Variants in SLC7A2 observed in about 807,000 individuals in gnomAD.
SLC7A2 encodes the protein cationic amino acid transporter 2.
In SLC7A2, 48 loss-of-function variants were observed where a neutral mutation model predicts 58.9. The observed-to-expected ratio is 0.82, with a 90% CI of 0.65 to 1.04. SLC7A2 has a LOEUF of 1.04. Ranked by LOEUF, SLC7A2 falls within the 50% of genes least tolerant of loss-of-function variation. SLC7A2 has a pLI of 0.00. For synonymous variants in SLC7A2, 363 were observed against 314.5 expected (o/e 1.15, Z -1.63); for missense variants, 1,029 against 818.8 (o/e 1.26, Z -3.13).
intron 1 of SLC7A2, among the ~76,000 whole-genome samples, chr8:17,497,479 G>C (rs939219898): frequency 2.6e-5 from 4 of 152,192 alleles, no homozygotes; most frequent in African/African-American, 9.6e-5. Context: ...CGTCCTCGGG[G>C]CTGCGCCCCG....
intron 2 of SLC7A2, among the ~76,000 whole-genome samples, chr8:17,519,144 G>A (rs1481163943): frequency 6.6e-6 from 1 of 152,164 alleles, no homozygotes; most frequent in Non-Finnish European, 1.5e-5. Context: ...TATTTTGTTT[G>A]TAACAAGCAG....
chr8:17,563,812 C>A, intron 12 of SLC7A2, 101 bp downstream of exon 12: 1 of 726,026 alleles, frequency 1.4e-6, no homozygotes, highest in Non-Finnish European at 2.4e-6. Context: ...TTTTTTCCCG[C>A]TTCTTTCTTT....
intron 8 of SLC7A2, chr8:17,555,157 G>A: frequency 1.4e-6 from 2 of 1,390,898 alleles, no homozygotes; most frequent in Non-Finnish European, 2.0e-6. Context: ...TTATAAAGAG[G>A]GTCTGCATGC....
intron 11 of SLC7A2, among the ~76,000 whole-genome samples, chr8:17,562,736 G>T (rs917385773): frequency 6.6e-6 from 1 of 152,134 alleles, no homozygotes; most frequent in Admixed American, 6.6e-5. Context: ...TATTATATAT[G>T]ATAGTAAACA....
intron 12 of SLC7A2, among the ~76,000 whole-genome samples, chr8:17,564,623 C>G (rs1283517939): frequency 2.6e-5 from 4 of 152,128 alleles, no homozygotes; most frequent in African/African-American, 9.7e-5. Flanking sequence ...AGCATGGAAC[C>G]TAGATCCCTC....
chr8:17,566,741 T>G lies in SLC7A2; in HGVS notation c.*1595T>G, dbSNP rs1049893874. The G allele has an allele frequency of 5.4e-5, 8 of 148,550 alleles. No homozygotes were observed. Among genetic ancestry groups the G allele is most frequent in the African/African-American group, 2.1e-4 (8 of 38,264 alleles). The allele number at this position is 148,550 out of a possible 1,614,324, so 9.2% of individuals were successfully genotyped here. On this transcript the variant is annotated 3_prime_UTR_variant, in exon 13 of 13. Coordinates refer to ENST00000494857, the MANE Select transcript of SLC7A2 (RefSeq NM_001370338.1). ...TTAGGATTCCCTAATAGTGGACTGT[T>G]TATTTGCAGTGTATTTGCTTCTCAT...
chr8:17,542,744 G>A lies in SLC7A2; in HGVS notation c.-22-574G>A, dbSNP rs142642194. On this transcript the variant is annotated intron_variant, in intron 2 of 12. Transcript: ENST00000494857. ...GAGGCAATTCACTCCTTTCCTTGTA[G>A]TGAGAATGAAATTAGCCATCTCTTG... Among the ~76,000 whole-genome samples the A allele has an allele frequency of 9.8e-4, 149 of 152,196 alleles. 2 individuals carry two copies. Among genetic ancestry groups the A allele is most frequent in the African/African-American group, 3.5e-3 (144 of 41,540 alleles).
At position 17,552,093 on chromosome 8, in the gene SLC7A2, A is replaced by G. The variant is rs912293857; in HGVS notation, c.1055+107A>G. 77 of 746,500 alleles carry G rather than the reference A, an allele frequency of 1.0e-4. 1 individual carries two copies. The highest frequency in any genetic ancestry group is 2.2e-4 in the Admixed American group (8 of 36,516). 46.2% of individuals were successfully genotyped at this position (746,500 alleles called of 1,614,324 possible). ...TAAAAAGTATCCTAATAGAAACAAA[A>G]TATTATGCAACTTTGTATTTATTGA... On this transcript the variant is annotated intron_variant, in intron 7 of 12. Coordinates refer to ENST00000494857, the MANE Select transcript of SLC7A2 (RefSeq NM_001370338.1).
At chr8:17,554,748 A>C (rs1391674409) in intron 8 of SLC7A2, 49 bp downstream of exon 8, 1 of 1,545,658 alleles carries the variant, frequency 6.5e-7, no homozygotes, top group Admixed American at 2.0e-5. Context: ...TTTTTCATCA[A>C]GGACTCTGCA....
intron 5 of SLC7A2, among the ~76,000 whole-genome samples, 179 bp downstream of exon 5, chr8:17,549,022 C>T (rs577946768): frequency 4.3e-4 from 65 of 152,200 alleles, no homozygotes; most frequent in African/African-American, 7.9e-4. Context: ...ACAATCGTGG[C>T]GGAAGGTGAA....
chr8:17,564,291 G>T lies in SLC7A2; in HGVS notation c.1780+580G>T, dbSNP rs187599395. 3.9e-5 allele frequency among the ~76,000 whole-genome samples: 6 copies of T among 152,276 alleles called. No individual in the cohort carries two copies. The East Asian group carries it at 9.6e-4, about 24-fold the overall frequency. The stretch of plus-strand genomic sequence containing the variant: ...TATTCCACATATCATTTTGTTTAAA[G>T]TACAGTATTGACTTCTAAGAACATC... On this transcript the variant is annotated intron_variant, in intron 12 of 12. Transcript: ENST00000494857.
chr8:17,556,877 G>C (rs1357093935), intron 8 of SLC7A2, among the ~76,000 whole-genome samples: 2 of 152,258 alleles, frequency 1.3e-5, no homozygotes, highest in East Asian at 3.9e-4. Context: ...CCAAACTGCA[G>C]GGATTACAGG....
At chr8:17,513,863 A>G (rs1800698764) in intron 2 of SLC7A2, among the ~76,000 whole-genome samples, 1 of 152,168 alleles carries the variant, frequency 6.6e-6, no homozygotes, top group Non-Finnish European at 1.5e-5. Context: ...GGATTACACC[A>G]GAGCACATAT....
chr8:17,525,049 C>T (rs1430873745), intron 2 of SLC7A2, among the ~76,000 whole-genome samples: 1 of 152,132 alleles, frequency 6.6e-6, no homozygotes. Flanking sequence ...CATTTTTCCA[C>T]ATATTCCCCC....
intron 1 of SLC7A2, among the ~76,000 whole-genome samples, chr8:17,500,795 CACAT>C (rs1366980108): frequency 2.3e-4 from 19 of 82,250 alleles, no homozygotes; most frequent in Non-Finnish European, 8.9e-5. Context: ...TCTCAACACA[CACAT>C]ACACACACAC....
upstream of SLC7A2, among the ~76,000 whole-genome samples, chr8:17,494,933 C>T (rs939004114): frequency 1.3e-5 from 2 of 152,156 alleles, no homozygotes; most frequent in African/African-American, 4.8e-5. Flanking sequence ...TCAGGAAGTG[C>T]GCCGGCGGGC....
rs1324857195 is a variant in SLC7A2 at position 17,564,983 on chromosome 8, A to G, written c.1814A>G (p.His605Arg). ...ATTTACTTTTCTTATGGCATTAGAC[A>G]CAGCCTGGAGGGTCATCTGAGAGAT... ...FLIYFSYGIR[H>R]SLEGHLRDEN... The change falls in exon 13 of 13, where the codon CAC (histidine) becomes CGC (arginine). Residue 605 changes from histidine (H) to arginine (R), a missense_variant. His to Arg is a conservative substitution (Grantham distance 29). Coordinates refer to ENST00000494857, the MANE Select transcript of SLC7A2 (RefSeq NM_001370338.1). The G allele has an allele frequency of 1.2e-6, 2 of 1,611,336 alleles. No homozygotes were observed. Among genetic ancestry groups the G allele is most frequent in the Non-Finnish European group, 1.7e-6 (2 of 1,179,164 alleles).
intron 2 of SLC7A2, among the ~76,000 whole-genome samples, chr8:17,508,526 C>G (rs1028079708): frequency 6.6e-6 from 1 of 152,052 alleles, no homozygotes. Context: ...GAGTTCAAGA[C>G]CAGCCTGGCC....
chr8:17,552,937 A>G (rs1240309852), intron 7 of SLC7A2, among the ~76,000 whole-genome samples: 2 of 152,230 alleles, frequency 1.3e-5, no homozygotes, highest in Admixed American at 6.5e-5. Context: ...GAAGTCTTTT[A>G]GTGTAATTCA....
Sources: gnomAD v4.1 joint callset for allele counts (sites outside exome capture counted in the v4.1 genomes callset) on GRCh38, gnomAD v4.1.1 for gene constraint, MANE v1.5 for transcripts, NCBI Gene and HGNC (gene_info 2026-07-23, HGNC 2026-07-21) for gene names.